The following ZNF430 variants were observed in gnomAD, a reference collection of about 807,000 sequenced individuals.
ZNF430 encodes the protein zinc finger protein 430.
In ZNF430, 35 loss-of-function variants were observed where a neutral mutation model predicts 56.7. That is an observed-to-expected ratio of 0.62 (90% CI 0.47 to 0.82). ZNF430 has a LOEUF of 0.82. Ranked by LOEUF, ZNF430 falls within the 40% of genes least tolerant of loss-of-function variation. ZNF430 has a pLI of 0.00. For synonymous variants in ZNF430, 212 were observed against 224.3 expected, an observed-to-expected ratio of 0.94 and a Z score of 0.49; for missense variants, 574 against 661.0, an observed-to-expected ratio of 0.87 and a Z score of 1.44.
At position 21,057,381 on chromosome 19, in the gene ZNF430, C is replaced by T. The variant is rs1252075404; in HGVS notation, c.1073C>T (p.Ser358Leu). The T allele has an allele frequency of 6.2e-7, 1 of 1,613,420 alleles. No individual in the cohort carries two copies. ...EECGKAFNQS[S>L]TLTTHKIIHA... Reference sequence around the variant, plus strand: ...TGTGGCAAAGCTTTTAACCAATCCTCAACCCTTACTACACATAAGATAATT... The same window carrying T: ...TGTGGCAAAGCTTTTAACCAATCCTTAACCCTTACTACACATAAGATAATT... Residue 358 changes from serine (S) to leucine (L), a missense_variant, in exon 5 of 5, where the codon TCA becomes TTA. Ser to Leu is a moderately radical substitution (Grantham distance 145). This residue lies in a region of ZNF430 where 15 missense variants were observed against 40.9 expected (regional missense o/e 0.37). Transcript: ENST00000261560.
At chr19:21,054,949 C>T (rs1294317721) in intron 4 of ZNF430, among the ~76,000 whole-genome samples, 9 of 152,032 alleles carry the variant, frequency 5.9e-5, no homozygotes, top group South Asian at 4.1e-4. Context: ...GCTGGTATTA[C>T]AGGCGTGAGC....
chr19:21,046,631 T>C (rs1968189509), intron 4 of ZNF430, among the ~76,000 whole-genome samples: 1 of 152,198 alleles, frequency 6.6e-6, no homozygotes, highest in African/African-American at 2.4e-5. Flanking sequence ...TGGTTGGAAA[T>C]TCTTTTCTTT....
chr19:21,043,335 A>T (rs970575354), intron 4 of ZNF430, among the ~76,000 whole-genome samples: 6 of 152,190 alleles, frequency 3.9e-5, no homozygotes, highest in African/African-American at 1.4e-4. Context: ...TTTTCTGCAT[A>T]GGGCTAGCCA....
chr19:21,039,209 G>A (rs1352179487), intron 4 of ZNF430, among the ~76,000 whole-genome samples: 2 of 151,982 alleles, frequency 1.3e-5, no homozygotes, highest in African/African-American at 2.4e-5. Flanking sequence ...CCAGCCTCCT[G>A]AAGTGCTGGG....
intron 2 of ZNF430, among the ~76,000 whole-genome samples, chr19:21,025,273 C>A (rs1866384): frequency 1 from 152,196 of 152,308 alleles, 76,043 homozygotes; most frequent in Non-Finnish European, 1. Context: ...AATATAAAGT[C>A]ATTTTCTGAT....
intron 2 of ZNF430, chr19:21,025,936 G>A: frequency 2.4e-6 from 1 of 421,320 alleles, no homozygotes; most frequent in South Asian, 2.0e-5. Flanking sequence ...TGAAGTTTCT[G>A]TCATTGAGAA....
intron 2 of ZNF430, among the ~76,000 whole-genome samples, chr19:21,027,772 GC>G (rs1252519452): frequency 1.3e-5 from 2 of 151,728 alleles, no homozygotes; most frequent in Non-Finnish European, 2.9e-5. Context: ...CTGGTTCTTT[GC>G]TTTTTTTTGG....
rs71174785 is a variant in ZNF430, at chr19:21,021,823, A to ATTTTTTTTTTTTTTTT, written c.4-951_4-936dup. On this transcript the variant is annotated intron_variant, in intron 1 of 4. Transcript: ENST00000261560. ...TTTCAAAACGATGCGCCTGAGTTAG[A>ATTTTTTTTTTTTTTTT]TTTTTTTTTTTTTTTTTTTTTTTTT... 2.7e-4 allele frequency among the ~76,000 whole-genome samples: 23 copies of ATTTTTTTTTTTTTTTT among 85,708 alleles called. 4 individuals carry two copies. Among genetic ancestry groups the ATTTTTTTTTTTTTTTT allele is most frequent in the African/African-American group, 1.2e-3 (22 of 18,814 alleles). 56.2% of individuals were successfully genotyped at this position (85,708 alleles called of 152,430 possible). A position where few individuals can be genotyped will look rare whatever the true frequency, so the allele number is the denominator to read the frequency against.
At chr19:21,032,247 C>T (rs1046829773) in intron 2 of ZNF430, among the ~76,000 whole-genome samples, 4 of 152,170 alleles carry the variant, frequency 2.6e-5, no homozygotes, top group African/African-American at 7.2e-5. Context: ...GATACCTGCT[C>T]TCTAGGGTGC....
rs142887653 is a variant in ZNF430, at chr19:21,029,083, G to T, written c.97-4373G>T. Among the ~76,000 whole-genome samples, 1,059 of 152,248 alleles carry T rather than the reference G, an allele frequency of 7.0e-3. 13 individuals carry two copies. The highest frequency in any genetic ancestry group is 0.023 in the African/African-American group (968 of 41,546). ...TGATACTTGGATGAAAGCAATAGGAGGTCTGGTGACTCAAACAGATAAAGT... is the reference window on the plus strand; with the variant it reads ...TGATACTTGGATGAAAGCAATAGGATGTCTGGTGACTCAAACAGATAAAGT... On this transcript the variant is annotated intron_variant, in intron 2 of 4. Coordinates refer to ENST00000261560, the MANE Select transcript of ZNF430 (RefSeq NM_025189.4).
At chr19:21,054,669 CTTTTTTTTT>C (rs55772412) in intron 4 of ZNF430, among the ~76,000 whole-genome samples, 7 of 65,582 alleles carry the variant, frequency 1.1e-4, no homozygotes, top group Non-Finnish European at 1.8e-4. Flanking sequence ...ATTTTTACGT[CTTTTTTTTT>C]TTTTTTTTTT....
At chr19:21,033,407 G>C (rs182623915) in intron 2 of ZNF430, 49 bp from the exon 3 acceptor site, 9 of 1,564,470 alleles carry the variant, frequency 5.8e-6, no homozygotes, top group Non-Finnish European at 7.8e-6. Flanking sequence ...AATTCTGCCC[G>C]TGGCCACTTG....
chr19:21,029,686 G>C (rs942481468), intron 2 of ZNF430, among the ~76,000 whole-genome samples: 7 of 152,262 alleles, frequency 4.6e-5, no homozygotes, highest in African/African-American at 1.7e-4. Flanking sequence ...CAGAGTTTTG[G>C]CTGGGTGTGG....
intron 4 of ZNF430, among the ~76,000 whole-genome samples, chr19:21,054,669 CTTTTTTTTTTT>C (rs55772412): frequency 1.5e-5 from 1 of 65,582 alleles, no homozygotes; most frequent in African/African-American, 6.4e-5. Context: ...ATTTTTACGT[CTTTTTTTTTTT>C]TTTTTTTTTT....
chr19:21,059,840 G>A lies in ZNF430; in HGVS notation c.*1819G>A, dbSNP rs974349658. On this transcript the variant is annotated 3_prime_UTR_variant, in exon 5 of 5. Coordinates refer to ENST00000261560, the MANE Select transcript of ZNF430 (RefSeq NM_025189.4). ...TATGATCTTTTCTATGAAAGAGTAA[G>A]GACATTAAAATGTAAGATGCATGAT... 1 of 152,010 alleles carries A rather than the reference G, an allele frequency of 6.6e-6. No homozygotes were observed. Among genetic ancestry groups the A allele is most frequent in the African/African-American group, 2.4e-5 (1 of 41,400 alleles). The allele number at this position is 152,010 out of a possible 1,614,324, so 9.4% of individuals were successfully genotyped here.
At chr19:21,055,772 A>G (rs1000725386) in intron 4 of ZNF430, among the ~76,000 whole-genome samples, 1 of 152,036 alleles carries the variant, frequency 6.6e-6, no homozygotes, top group African/African-American at 2.4e-5. Context: ...TTTCTTCTTA[A>G]TAGTAATAAC....
chr19:21,035,273 ACTTC>A (rs1057216333), intron 4 of ZNF430: 9 of 152,096 alleles, frequency 5.9e-5, no homozygotes, highest in African/African-American at 1.4e-4. Context: ...AAGATTTTTT[ACTTC>A]CTTGTTCTCA....
At chr19:21,042,221 G>A (rs959283211) in intron 4 of ZNF430, among the ~76,000 whole-genome samples, 16 of 152,140 alleles carry the variant, frequency 1.1e-4, no homozygotes, top group Admixed American at 9.2e-4. Flanking sequence ...TGATGGGCAT[G>A]TGGGTTGATT....
chr19:21,027,019 G>A (rs1202791454), intron 2 of ZNF430, among the ~76,000 whole-genome samples: 3 of 151,476 alleles, frequency 2.0e-5, no homozygotes, highest in Non-Finnish European at 2.9e-5. Context: ...TAGGAGAGAC[G>A]GGGTTTCACC....
Sources: gnomAD v4.1 joint callset for allele counts (sites outside exome capture counted in the v4.1 genomes callset) on GRCh38, gnomAD v4.1.1 for gene constraint, gnomAD v4.1.1 regional missense constraint, MANE v1.5 for transcripts, NCBI Gene and HGNC (gene_info 2026-07-23, HGNC 2026-07-21) for gene names.